Variants in WDR1 observed in about 807,000 individuals in gnomAD.
WDR1 encodes WD repeat domain 1, also known as WD repeat-containing protein 1.
In WDR1, 21 loss-of-function variants were observed where a neutral mutation model predicts 71.9. The observed-to-expected ratio is 0.29, with a 90% CI of 0.21 to 0.42. The LOEUF (loss-of-function observed/expected upper bound fraction) is 0.42. Ranked by LOEUF, WDR1 falls within the 10% of genes least tolerant of loss-of-function variation. WDR1 has a pLI of 1.00. For synonymous variants in WDR1, 424 were observed against 347.4 expected (o/e 1.22, Z -2.45); for missense variants, 696 against 824.5 (o/e 0.84, Z 1.91).
intron 9 of WDR1, chr4:10,083,603 C>A: frequency 2.1e-6 from 1 of 484,702 alleles, no homozygotes; most frequent in Non-Finnish European, 4.1e-6. Flanking sequence ...AGGTACAGCA[C>A]ATGCGGACCA....
At chr4:10,109,515 G>A (rs1383920958) in intron 2 of WDR1, among the ~76,000 whole-genome samples, 1 of 152,180 alleles carries the variant, frequency 6.6e-6, no homozygotes, top group Non-Finnish European at 1.5e-5. Context: ...GCAGCTCCTT[G>A]AGCTGGCTGA....
chr4:10,101,606 C>G (rs1427362839), intron 3 of WDR1, among the ~76,000 whole-genome samples: 2 of 152,222 alleles, frequency 1.3e-5, no homozygotes, highest in African/African-American at 4.8e-5. Context: ...GGACAGCGTC[C>G]CACGATGGCC....
chr4:10,102,039 G>A (rs554491069), intron 3 of WDR1, among the ~76,000 whole-genome samples: 6 of 152,314 alleles, frequency 3.9e-5, no homozygotes, highest in African/African-American at 1.4e-4. Context: ...GCCAGACTCC[G>A]GGCCCAACCC....
chr4:10,078,897 C>A lies in WDR1; in HGVS notation c.1389G>T (p.Gly463=), dbSNP rs760222439. 1.2e-6 allele frequency: 2 copies of A among 1,612,436 alleles called. No homozygotes were observed. The highest frequency in any genetic ancestry group is 8.5e-7 in the Non-Finnish European group (1 of 1,179,106). Reference sequence around the variant, plus strand: ...GGAGAGGAAAGCGACTTACCACACCCCCAATTGCCACCGTGTCCCCGCCGG... The same window carrying A: ...GGAGAGGAAAGCGACTTACCACACCACCAATTGCCACCGTGTCCCCGCCGG... ...VHPGGDTVAI[G]GVDGNVRLYS... Residue 463 remains glycine, a synonymous_variant, in exon 12 of 15, where the codon GGG becomes GGT. Coordinates refer to ENST00000499869, the MANE Select transcript of WDR1 (RefSeq NM_017491.5).
chr4:10,077,235 G>A (rs1164506583), intron 14 of WDR1, 69 bp downstream of exon 14: 3 of 1,591,920 alleles, frequency 1.9e-6, no homozygotes, highest in Admixed American at 3.4e-5. Flanking sequence ...CCAGGGGACA[G>A]CCTGTGAGGT....
chr4:10,089,274 A>C lies in WDR1; in HGVS notation c.559-533T>G, dbSNP rs186784181. ...CAGGTGCCCGCCACCACGCCTGGCT[A>C]ATTTCTGTATTTTTAGTAGAGATGG... On this transcript the variant is annotated intron_variant, in intron 5 of 14. Transcript: ENST00000499869. Among the ~76,000 whole-genome samples the C allele has an allele frequency of 9.9e-5, 15 of 152,268 alleles. No individual in the cohort carries two copies. In the East Asian group the frequency reaches 2.9e-3, roughly 29 times the overall value.
chr4:10,098,666 G>A (rs1210035425), intron 4 of WDR1, among the ~76,000 whole-genome samples: 1 of 152,228 alleles, frequency 6.6e-6, no homozygotes, highest in Non-Finnish European at 1.5e-5. Flanking sequence ...GAGGGACCCC[G>A]AATAGAAGTG....
intron 4 of WDR1, 87 bp from the exon 5 acceptor site, chr4:10,097,978 C>A: frequency 7.4e-7 from 1 of 1,346,616 alleles, no homozygotes; most frequent in Middle Eastern, 2.1e-4. Context: ...AGCTGAGCTG[C>A]CAGTGCACAG....
intron 11 of WDR1, among the ~76,000 whole-genome samples, chr4:10,080,508 CA>C (rs941370967): frequency 4.6e-5 from 7 of 152,230 alleles, no homozygotes; most frequent in Non-Finnish European, 7.3e-5. Flanking sequence ...TTATCTAGGA[CA>C]CAGAGAAATC....
At chr4:10,097,591 T>C in intron 5 of WDR1, 120 bp downstream of exon 5, 1 of 1,232,268 alleles carries the variant, frequency 8.1e-7, no homozygotes, top group Non-Finnish European at 1.1e-6. Context: ...AGCCCACTTC[T>C]GTGTATCATG....
intron 8 of WDR1, among the ~76,000 whole-genome samples, chr4:10,087,001 G>C (rs1711617166): frequency 1.3e-5 from 2 of 148,498 alleles, no homozygotes; most frequent in Non-Finnish European, 3.0e-5. Flanking sequence ...TGTGGGTGGA[G>C]GGAGAAGGCA....
At chr4:10,107,587 T>C (rs961794689) in intron 2 of WDR1, among the ~76,000 whole-genome samples, 3 of 152,084 alleles carry the variant, frequency 2.0e-5, no homozygotes, top group Non-Finnish European at 4.4e-5. Context: ...CCCTTGAGGA[T>C]AGAACAGGTG....
chr4:10,106,835 C>G (rs545610115), intron 2 of WDR1, among the ~76,000 whole-genome samples: 1 of 152,318 alleles, frequency 6.6e-6, no homozygotes, highest in Admixed American at 6.5e-5. Context: ...CCCAGCTCCT[C>G]AGCTCGCAGA....
intron 3 of WDR1, 97 bp downstream of exon 3, chr4:10,103,799 T>TCCCCCCCC: frequency 1.2e-5 from 1 of 85,348 alleles, no homozygotes; most frequent in Non-Finnish European, 2.5e-5. Flanking sequence ...ACCTCCCTCC[T>TCCCCCCCC]CCCACTCTCC....
chr4:10,082,321 C>G (rs914401203), intron 10 of WDR1, among the ~76,000 whole-genome samples: 1 of 152,120 alleles, frequency 6.6e-6, no homozygotes, highest in Non-Finnish European at 1.5e-5. Context: ...GTCCCCATCT[C>G]CCAGGCAACA....
At chr4:10,082,315 C>T (rs143687629) in intron 10 of WDR1, among the ~76,000 whole-genome samples, 214 of 152,226 alleles carry the variant, frequency 1.4e-3, no homozygotes, top group African/African-American at 4.9e-3. Flanking sequence ...CCAGGAGTCC[C>T]CATCTCCCAG....
At chr4:10,081,841 CTT>C (rs1423711044) in intron 10 of WDR1, among the ~76,000 whole-genome samples, 1 of 152,172 alleles carries the variant, frequency 6.6e-6, no homozygotes, top group African/African-American at 2.4e-5. Context: ...GGATGGGTAA[CTT>C]TTAAGAATCC....
intron 5 of WDR1, chr4:10,093,117 A>G (rs1207709976): frequency 7.8e-7 from 1 of 1,289,460 alleles, no homozygotes; most frequent in South Asian, 1.2e-5. Context: ...ACAGAGCGAC[A>G]GAGCGCTGCA....
intron 11 of WDR1, 144 bp from the exon 12 acceptor site, chr4:10,079,145 C>A: frequency 1.6e-6 from 1 of 606,670 alleles, no homozygotes; most frequent in Non-Finnish European, 2.9e-6. Flanking sequence ...ACCTGGGGCT[C>A]TGAGCCACAC....
Sources: gnomAD v4.1 joint callset for allele counts (sites outside exome capture counted in the v4.1 genomes callset) on GRCh38, gnomAD v4.1.1 for gene constraint, MANE v1.5 for transcripts, NCBI Gene and HGNC (gene_info 2026-07-23, HGNC 2026-07-21) for gene names.